UQCRC2: variants seen among roughly 807,000 people sequenced by gnomAD.
The protein encoded by UQCRC2 is ubiquinol-cytochrome c reductase core protein 2.
UQCRC2 carries 49 observed loss-of-function variants against 55.6 expected under a neutral mutation model. That is an observed-to-expected ratio of 0.88 (90% confidence interval 0.70 to 1.12). The LOEUF is 1.12. Ranked by LOEUF, UQCRC2 falls within the 50% of genes most tolerant of loss-of-function variation. The pLI is 0.00. For synonymous variants in UQCRC2, 193 were observed against 192.0 expected, an observed-to-expected ratio of 1.01 and a Z score of -0.04; for missense variants, 506 against 547.8, an observed-to-expected ratio of 0.92 and a Z score of 0.76.
intron 11 of UQCRC2, among the ~76,000 whole-genome samples, chr16:21,975,491 T>C (rs1390048299): frequency 6.6e-6 from 1 of 152,098 alleles, no homozygotes; most frequent in East Asian, 1.9e-4. Flanking sequence ...GAAAAATAAG[T>C]AGCAGACCCA....
rs750949439 is a variant in UQCRC2 at position 21,958,591 on chromosome 16, C to G, written c.324C>G (p.Gly108=). The G allele has an allele frequency of 1.7e-5, 27 of 1,611,032 alleles. No homozygotes were observed. The highest frequency in any genetic ancestry group is 2.7e-5 in the African/African-American group (2 of 74,702). The change falls in exon 4 of 14, where the codon GGC becomes GGG. Residue 108 remains glycine (G), a synonymous_variant. Transcript: ENST00000268379. ...CCCGTGGAATTGAAGCAGTTGGTGG[C>G]AAATTAAGGTTTGTTAAATAAGTAA... The part of the protein sequence containing the change: ...KITRGIEAVG[G]KLSVTATREN...
intron 1 of UQCRC2, 122 bp downstream of exon 1, chr16:21,953,578 C>G (rs1447343029): frequency 2.3e-6 from 3 of 1,299,392 alleles, no homozygotes; most frequent in East Asian, 5.0e-5. Flanking sequence ...TCAGCTGAAC[C>G]CTGCGGGCCA....
At chr16:21,965,069 A>T (rs33991551) in intron 6 of UQCRC2, among the ~76,000 whole-genome samples, 2 of 152,126 alleles carry the variant, frequency 1.3e-5, no homozygotes, top group Non-Finnish European at 2.9e-5. Context: ...TCACATGGCA[A>T]GATGGCGGCA....
intron 12 of UQCRC2, among the ~76,000 whole-genome samples, chr16:21,978,440 T>G (rs1898636541): frequency 6.6e-6 from 1 of 152,152 alleles, no homozygotes; most frequent in African/African-American, 2.4e-5. Flanking sequence ...TGAATTGGAT[T>G]TTGTTTTATT....
chr16:21,975,872 C>G (rs1305381693), intron 11 of UQCRC2, among the ~76,000 whole-genome samples: 1 of 152,126 alleles, frequency 6.6e-6, no homozygotes, highest in Admixed American at 6.6e-5. Flanking sequence ...GGGAGGATCA[C>G]TTGAGCCCAC....
chr16:21,963,989 T>C (rs1364124574), intron 6 of UQCRC2, among the ~76,000 whole-genome samples: 1 of 152,180 alleles, frequency 6.6e-6, no homozygotes, highest in East Asian at 1.9e-4. Context: ...CAAGTACAAC[T>C]GGTAATACAA....
At chr16:21,958,707 G>A (rs1898134997) in intron 4 of UQCRC2, 108 bp downstream of exon 4, 5 of 934,504 alleles carry the variant, frequency 5.4e-6, no homozygotes, top group Non-Finnish European at 8.2e-6. Context: ...AGCAACATAA[G>A]AAGGAAAAGA....
intron 6 of UQCRC2, among the ~76,000 whole-genome samples, chr16:21,963,924 A>G (rs186579445): frequency 2.9e-4 from 44 of 152,268 alleles, no homozygotes; most frequent in Admixed American, 1.5e-3. Context: ...TTTAATAGGA[A>G]TCTTTTTTGC....
intron 4 of UQCRC2, chr16:21,962,199 ATCCTTAGCATAATG>A: frequency 4.4e-6 from 2 of 450,798 alleles, no homozygotes; most frequent in East Asian, 3.7e-5. Flanking sequence ...CTGGCTTATT[ATCCTTAGCATAATG>A]TCCTCAGGGT....
At chr16:21,970,517 G>A (rs1267762931) in intron 8 of UQCRC2, among the ~76,000 whole-genome samples, 3 of 152,144 alleles carry the variant, frequency 2.0e-5, no homozygotes, top group African/African-American at 7.2e-5. Context: ...GTTTTGATTT[G>A]TATTTCCCTA....
intron 1 of UQCRC2, among the ~76,000 whole-genome samples, chr16:21,956,953 C>T (rs1898095367): frequency 6.6e-6 from 1 of 151,836 alleles, no homozygotes; most frequent in Admixed American, 6.6e-5. Flanking sequence ...CCTGTAATTC[C>T]AGCTATTTGG....
intron 13 of UQCRC2, among the ~76,000 whole-genome samples, chr16:21,982,716 G>A (rs571746860): frequency 4.6e-4 from 70 of 152,304 alleles, no homozygotes; most frequent in Non-Finnish European, 1.9e-4. Flanking sequence ...TGTAATCCCA[G>A]CACTTTGGGA....
rs2141932423 is a variant in UQCRC2, at chr16:21,962,962, T to A, written c.514+77T>A. 3 of 1,494,600 alleles carry A rather than the reference T, an allele frequency of 2.0e-6. No homozygotes were observed. In the East Asian group the frequency reaches 7.1e-5, roughly 35 times the overall value. The allele number at this position is 1,494,600 out of a possible 1,614,324, so 92.6% of individuals were successfully genotyped here. On this transcript the variant is annotated intron_variant, in intron 6 of 13. Coordinates refer to ENST00000268379, the MANE Select transcript of UQCRC2 (RefSeq NM_003366.4). ...AGATCAATTTATAGAAGAAAAAAAA[T>A]TGCTGTCAAAATTTTTATTTTTATT... is the stretch of plus-strand genomic sequence containing the variant.
intron 13 of UQCRC2, among the ~76,000 whole-genome samples, chr16:21,981,094 TCCAA>T (rs1257435868): frequency 6.6e-6 from 1 of 152,182 alleles, no homozygotes; most frequent in African/African-American, 2.4e-5. Context: ...TTTCATATGA[TCCAA>T]CCTAAATAGT....
intron 12 of UQCRC2, among the ~76,000 whole-genome samples, chr16:21,979,845 CAT>C (rs1229917266): frequency 6.6e-6 from 1 of 152,170 alleles, no homozygotes; most frequent in East Asian, 1.9e-4. Context: ...GGACCACCAT[CAT>C]ATATGTGGTC....
rs778437483 is a variant in UQCRC2, at chr16:21,962,454, A to AT, written c.333-4dup. On this transcript the variant is annotated splice_polypyrimidine_tract_variant and splice_region_variant and intron_variant, in intron 4 of 13. Coordinates refer to ENST00000268379, the MANE Select transcript of UQCRC2 (RefSeq NM_003366.4). ...ATGATTTACTCTAGTTTATTTTCCGATTCAGTGTGACCGCAACAAGGGAAA... is the reference window on the plus strand; with the variant it reads ...ATGATTTACTCTAGTTTATTTTCCGATTTCAGTGTGACCGCAACAAGGGAAA... 5.0e-6 allele frequency: 8 copies of AT among 1,614,120 alleles called. No individual in the cohort carries two copies. Among genetic ancestry groups the AT allele is most frequent in the Non-Finnish European group, 6.8e-6 (8 of 1,179,992 alleles).
At chr16:21,968,752 C>T (rs1898388170) in intron 8 of UQCRC2, 67 bp downstream of exon 8, 7 of 1,436,068 alleles carry the variant, frequency 4.9e-6, no homozygotes, top group African/African-American at 1.4e-5. Context: ...ACTGTAATTA[C>T]GTGAACATAG....
In UQCRC2 at chr16:21,962,944, T is replaced by C. The variant is rs1597954769; in HGVS notation, c.514+59T>C. 8 of 1,531,884 alleles carry C rather than the reference T, an allele frequency of 5.2e-6. No homozygotes were observed. The East Asian group carries it at 1.8e-4, about 35-fold the overall frequency. 94.9% of individuals were successfully genotyped at this position (1,531,884 alleles called of 1,614,324 possible). A position where few individuals can be genotyped will look rare whatever the true frequency, so the allele number is the denominator to read the frequency against. ...GATACTGGGTTTTTTAGAAGATCAA[T>C]TTATAGAAGAAAAAAAATTGCTGTC... On this transcript the variant is annotated intron_variant, in intron 6 of 13. Coordinates refer to ENST00000268379, the MANE Select transcript of UQCRC2 (RefSeq NM_003366.4).
rs139604247 is a variant in UQCRC2, at chr16:21,965,621, G to T, written c.612+116G>T. On this transcript the variant is annotated intron_variant, in intron 7 of 13. Transcript: ENST00000268379. ...ATCTTCTAACTTTAAGAAATTCAGC[G>T]TGCTAGCTTTTTCATCCACCTGCTT... The T allele has an allele frequency of 2.9e-3, 2,500 of 853,632 alleles. 14 individuals are homozygous for T. The highest frequency in any genetic ancestry group is 0.015 in the South Asian group (598 of 38,794). The allele number at this position is 853,632 out of a possible 1,614,324, so 52.9% of individuals were successfully genotyped here.
Sources: allele counts gnomAD v4.1 joint callset (sites outside exome capture counted in the v4.1 genomes callset), GRCh38; gene constraint gnomAD v4.1.1; transcripts MANE v1.5; gene names NCBI Gene and HGNC (gene_info 2026-07-23, HGNC 2026-07-21).